Variants in ANK2 observed in about 807,000 individuals in gnomAD.
The protein encoded by ANK2 is ankyrin-2.
Under a neutral mutation model 360.5 loss-of-function variants are expected in ANK2, and 83 were observed. The ratio of observed to expected loss-of-function variants is 0.23; its 90% CI spans 0.19 to 0.28. The LOEUF is 0.28. Among genes scored for constraint, ANK2 ranks in the 10% least tolerant of loss-of-function variants. The probability of loss-of-function intolerance (pLI) is 1.00; values close to 1 mark genes in which losing one functional copy is unlikely to be tolerated. For missense variants in ANK2, 4,201 were observed against 4,795.7 expected (o/e 0.88, Z 3.66); for synonymous variants, 1,740 against 1,759.5 (o/e 0.99, Z 0.28).
At chr4:113,272,967 A>G (rs939904945) in intron 14 of ANK2, among the ~76,000 whole-genome samples, 3 of 152,138 alleles carry the variant, frequency 2.0e-5, no homozygotes, top group African/African-American at 7.2e-5. Flanking sequence ...AAATATGTTC[A>G]TTTTATTTAT....
At chr4:113,221,769 A>T (rs562750862) in intron 4 of ANK2, among the ~76,000 whole-genome samples, 6 of 152,226 alleles carry the variant, frequency 3.9e-5, no homozygotes, top group Non-Finnish European at 8.8e-5. Context: ...GTTGCTGTAT[A>T]GGATGCACTG....
At chr4:112,713,844 G>T in the ANK2 span, among the ~76,000 whole-genome samples, 2 of 150,826 alleles carry the variant, frequency 1.3e-5, no homozygotes, top group Non-Finnish European at 2.9e-5. Context: ...TGAGGCATGG[G>T]AATGGCGTGA....
intron 4 of ANK2, among the ~76,000 whole-genome samples, chr4:113,213,433 G>A (rs2099047147): frequency 6.6e-6 from 1 of 152,128 alleles, no homozygotes; most frequent in Non-Finnish European, 1.5e-5. Context: ...AAAGTTCCAT[G>A]CAACACCTGC....
intron 1 of ANK2, among the ~76,000 whole-genome samples, chr4:112,840,029 C>A (rs553958977): frequency 1.9e-4 from 29 of 152,284 alleles, no homozygotes; most frequent in African/African-American, 7.0e-4. Context: ...ATTTATTAAG[C>A]AATTACTATA....
At chr4:113,339,387 TTTTATTTTGTTTCTTTA>T in intron 32 of ANK2, 65 bp downstream of exon 32, 2 of 1,249,588 alleles carry the variant, frequency 1.6e-6, no homozygotes, top group East Asian at 4.6e-5. Context: ...CTGCCCTTTG[TTTTATTTTGTTTCTTTA>T]TTGTTTAAAA....
intron 43 of ANK2, chr4:113,372,669 CCATATTCTAAGAG>C: frequency 2.2e-6 from 3 of 1,360,604 alleles, no homozygotes; most frequent in Non-Finnish European, 3.0e-6. Flanking sequence ...AGTCCTGTCC[CCATATTCTAAGAG>C]TGATCAACCT....
At chr4:113,082,863 A>T (rs2082962026) in intron 1 of ANK2, among the ~76,000 whole-genome samples, 1 of 152,192 alleles carries the variant, frequency 6.6e-6, no homozygotes, top group South Asian at 2.1e-4. Context: ...GAAAGGAAAT[A>T]TGTAAATTTT....
At chr4:113,303,003 G>A (rs1440174382) in intron 23 of ANK2, among the ~76,000 whole-genome samples, 164 bp downstream of exon 23, 1 of 152,040 alleles carries the variant, frequency 6.6e-6, no homozygotes, top group Non-Finnish European at 1.5e-5. Flanking sequence ...CCATGGCAGC[G>A]GGGGCCGGGG....
the ANK2 span, among the ~76,000 whole-genome samples, chr4:112,732,819 C>T: frequency 1.1e-4 from 17 of 152,272 alleles, no homozygotes; most frequent in East Asian, 1.9e-4. Context: ...TGGTGGCTCA[C>T]GCCTATAATC....
At chr4:113,041,921 T>TC (rs1441926852) in intron 2 of ANK2, among the ~76,000 whole-genome samples, 1 of 152,126 alleles carries the variant, frequency 6.6e-6, no homozygotes, top group East Asian at 1.9e-4. Context: ...CAAATCTCAT[T>TC]CATGAGCAGT....
At chr4:112,728,663 G>A in the ANK2 span, among the ~76,000 whole-genome samples, 4 of 151,736 alleles carry the variant, frequency 2.6e-5, no homozygotes, top group African/African-American at 9.7e-5. Context: ...GAGGTGAGAG[G>A]GTCACCTGAG....
intron 2 of ANK2, among the ~76,000 whole-genome samples, chr4:113,026,132 C>T (rs531019055): frequency 1.3e-5 from 2 of 152,122 alleles, no homozygotes; most frequent in Non-Finnish European, 2.9e-5. Flanking sequence ...TACGTGGCCA[C>T]GGACACTTGG....
chr4:112,938,210 C>T (rs2093916878), intron 2 of ANK2, among the ~76,000 whole-genome samples: 1 of 152,092 alleles, frequency 6.6e-6, no homozygotes, highest in South Asian at 2.1e-4. Flanking sequence ...AGATGTATTA[C>T]TCTATGTTTT....
chr4:112,880,500 G>A (rs1281511391), intron 1 of ANK2: 3 of 152,184 alleles, frequency 2.0e-5, no homozygotes, highest in East Asian at 1.9e-4. Flanking sequence ...TCTTTCTGCT[G>A]GATCAGCTGA....
intron 3 of ANK2, among the ~76,000 whole-genome samples, 198 bp downstream of exon 3, chr4:113,196,664 A>G (rs1319575897): frequency 6.6e-6 from 1 of 152,236 alleles, no homozygotes; most frequent in African/African-American, 2.4e-5. Context: ...AGTAGCTGAG[A>G]CTACAGGCGT....
intron 2 of ANK2, among the ~76,000 whole-genome samples, chr4:112,945,355 CA>C (rs2053560720): frequency 6.6e-6 from 1 of 152,000 alleles, no homozygotes; most frequent in African/African-American, 2.4e-5. Context: ...CTCTCAAAAC[CA>C]AAAAGAGTAA....
At chr4:112,852,882 C>T (rs1031023379) in intron 1 of ANK2, among the ~76,000 whole-genome samples, 1 of 152,184 alleles carries the variant, frequency 6.6e-6, no homozygotes, top group Non-Finnish European at 1.5e-5. Context: ...CGTCTAGGCT[C>T]ATTGATTTTA....
intron 2 of ANK2, among the ~76,000 whole-genome samples, chr4:112,985,831 A>C (rs1177686035): frequency 1.3e-5 from 2 of 151,866 alleles, no homozygotes; most frequent in Non-Finnish European, 2.9e-5. Flanking sequence ...GGGGACTTGG[A>C]GGAAAGGGTG....
intron 2 of ANK2, among the ~76,000 whole-genome samples, chr4:112,931,302 C>T (rs2093197402): frequency 6.6e-6 from 1 of 152,124 alleles, no homozygotes; most frequent in South Asian, 2.1e-4. Flanking sequence ...GTCTTCTTCT[C>T]AATCCCATTT....
Sources: allele counts gnomAD v4.1 joint callset (sites outside exome capture counted in the v4.1 genomes callset), GRCh38; gene constraint gnomAD v4.1.1; transcripts MANE v1.5; gene names NCBI Gene and HGNC (gene_info 2026-07-23, HGNC 2026-07-21).